The following ADARB2 variants were observed in gnomAD, a reference collection of about 807,000 sequenced individuals.
ADARB2 encodes inactive double-stranded RNA-specific editase B2.
A neutral mutation model predicts 62.2 loss-of-function variants in ADARB2; 25 were observed. The observed-to-expected ratio is 0.40, with a 90% confidence interval of 0.29 to 0.56. ADARB2 has a LOEUF of 0.56. ADARB2 is among the 20% of genes least tolerant of loss of function. The pLI, the probability that ADARB2 is intolerant of heterozygous loss-of-function variation, is 0.43. For synonymous variants in ADARB2, 572 were observed against 500.8 expected (o/e 1.14, Z -1.90); for missense variants, 1,071 against 1,077.4 (o/e 0.99, Z 0.08).
intron 1 of ADARB2, among the ~76,000 whole-genome samples, chr10:1,446,215 G>A (rs947845723): frequency 6.6e-6 from 1 of 152,166 alleles, no homozygotes; most frequent in African/African-American, 2.4e-5. Context: ...GAACCTGTGC[G>A]TCTCCATTTC....
At chr10:1,490,784 A>T (rs2131931486) in intron 1 of ADARB2, among the ~76,000 whole-genome samples, 1 of 152,254 alleles carries the variant, frequency 6.6e-6, no homozygotes, top group Non-Finnish European at 1.5e-5. Flanking sequence ...AAGCCGTTAA[A>T]TGGCTCACCC....
At chr10:1,662,455 G>A (rs2119089865) in intron 1 of ADARB2, among the ~76,000 whole-genome samples, 1 of 152,302 alleles carries the variant, frequency 6.6e-6, no homozygotes, top group Admixed American at 6.5e-5. Flanking sequence ...GCCTGCTCTT[G>A]GTTCCGGCCT....
chr10:1,576,932 C>T (rs1833028693), intron 1 of ADARB2, among the ~76,000 whole-genome samples: 1 of 152,186 alleles, frequency 6.6e-6, no homozygotes, highest in South Asian at 2.1e-4. Flanking sequence ...AGTGAGGTGT[C>T]TCCAAGGGGC....
chr10:1,287,110 C>G, intron 3 of ADARB2, among the ~76,000 whole-genome samples: 1 of 152,072 alleles, frequency 6.6e-6, no homozygotes, highest in East Asian at 1.9e-4. Flanking sequence ...TGAAGTTGGC[C>G]TCTGTCTTGG....
intron 1 of ADARB2, among the ~76,000 whole-genome samples, chr10:1,486,458 G>T (rs1831543819): frequency 6.6e-6 from 1 of 152,154 alleles, no homozygotes; most frequent in Non-Finnish European, 1.5e-5. Context: ...ATTTCAGGTG[G>T]AGCTATTAAA....
intron 1 of ADARB2, among the ~76,000 whole-genome samples, chr10:1,734,729 C>T (rs1835278617): frequency 6.6e-6 from 1 of 152,158 alleles, no homozygotes; most frequent in Non-Finnish European, 1.5e-5. Flanking sequence ...CTAATAGAGC[C>T]ACACTAAATT....
intron 1 of ADARB2, among the ~76,000 whole-genome samples, chr10:1,659,623 C>T (rs1834218900): frequency 1.3e-5 from 2 of 152,250 alleles, no homozygotes; most frequent in African/African-American, 4.8e-5. Flanking sequence ...CGGGCAATCC[C>T]AGCCCAACTT....
At chr10:1,252,614 T>A (rs1453153129) in intron 4 of ADARB2, among the ~76,000 whole-genome samples, 1 of 152,148 alleles carries the variant, frequency 6.6e-6, no homozygotes, top group Non-Finnish European at 1.5e-5. Context: ...TAGTCATTAT[T>A]TGGTCAAAGT....
intron 1 of ADARB2, among the ~76,000 whole-genome samples, chr10:1,587,537 TTTTGA>T (rs1289332454): frequency 1.3e-5 from 2 of 148,970 alleles, no homozygotes; most frequent in Admixed American, 6.8e-5. Flanking sequence ...CTATTTGTTG[TTTTGA>T]TTTTTTTTTT....
At chr10:1,334,014 C>T (rs535516616) in intron 3 of ADARB2, among the ~76,000 whole-genome samples, 53 of 152,294 alleles carry the variant, frequency 3.5e-4, no homozygotes, top group African/African-American at 9.6e-4. Flanking sequence ...TCAGACAGGC[C>T]GGAACAACTA....
At chr10:1,711,157 T>A (rs1435430199) in intron 1 of ADARB2, among the ~76,000 whole-genome samples, 1 of 152,190 alleles carries the variant, frequency 6.6e-6, no homozygotes, top group East Asian at 1.9e-4. Flanking sequence ...CAGCCCCATC[T>A]GGAAGCTCAG....
chr10:1,250,641 A>G (rs1309359824), intron 4 of ADARB2, among the ~76,000 whole-genome samples: 1 of 152,172 alleles, frequency 6.6e-6, no homozygotes, highest in African/African-American at 2.4e-5. Context: ...CCATACCCTT[A>G]AACTTCCCAG....
At chr10:1,379,217 T>G (rs1832460613) in intron 1 of ADARB2, 57 bp from the exon 2 acceptor site, 2 of 1,403,130 alleles carry the variant, frequency 1.4e-6, no homozygotes, top group Non-Finnish European at 2.0e-6. Context: ...AAAAACTCAA[T>G]GCTTTTATAA....
intron 1 of ADARB2, among the ~76,000 whole-genome samples, chr10:1,511,320 C>T (rs1831933771): frequency 1.3e-5 from 2 of 152,102 alleles, no homozygotes; most frequent in South Asian, 4.2e-4. Context: ...GAACACCTAC[C>T]CCATGGTGGG....
chr10:1,725,974 A>G (rs1311545517), intron 1 of ADARB2, among the ~76,000 whole-genome samples: 1 of 152,272 alleles, frequency 6.6e-6, no homozygotes, highest in Admixed American at 6.5e-5. Flanking sequence ...GTGATTACGC[A>G]TAAATATGTA....
chr10:1,370,639 A>G (rs1437771151), intron 2 of ADARB2, among the ~76,000 whole-genome samples: 1 of 152,256 alleles, frequency 6.6e-6, no homozygotes, highest in Non-Finnish European at 1.5e-5. Context: ...AAAAATTAGT[A>G]GCATTTCTAT....
At chr10:1,246,563 C>T (rs1416748649) in intron 4 of ADARB2, among the ~76,000 whole-genome samples, 2 of 107,466 alleles carry the variant, frequency 1.9e-5, no homozygotes, top group African/African-American at 7.6e-5. Flanking sequence ...TATGGCTAGC[C>T]AGTTTTCCCA....
At chr10:1,266,003 G>A (rs1245547336) in intron 4 of ADARB2, among the ~76,000 whole-genome samples, 1 of 130,444 alleles carries the variant, frequency 7.7e-6, no homozygotes, top group Non-Finnish European at 1.6e-5. Flanking sequence ...ACGCTCCCCC[G>A]GAAGACGGCC....
chr10:1,385,404 G>A (rs1439934807), intron 1 of ADARB2, among the ~76,000 whole-genome samples: 1 of 152,122 alleles, frequency 6.6e-6, no homozygotes, highest in East Asian at 1.9e-4. Context: ...AAGGGGATAT[G>A]ATAAGTAAAT....
Sources: allele counts gnomAD v4.1 joint callset (sites outside exome capture counted in the v4.1 genomes callset), GRCh38; gene constraint gnomAD v4.1.1; transcripts MANE v1.5; gene names NCBI Gene and HGNC (gene_info 2026-07-23, HGNC 2026-07-21).